Variants in STXBP6 observed in about 807,000 individuals in gnomAD.
The protein encoded by STXBP6 is syntaxin-binding protein 6.
In STXBP6, 21 loss-of-function variants were observed where a neutral mutation model predicts 26.9. The ratio of observed to expected loss-of-function variants is 0.78; its 90% confidence interval spans 0.55 to 1.12. The LOEUF (loss-of-function observed/expected upper bound fraction) is 1.12. Among genes scored for constraint, STXBP6 ranks in the 50% most tolerant of loss-of-function variants. STXBP6 has a pLI of 0.00. For missense variants in STXBP6, 232 were observed against 257.9 expected (o/e 0.90, Z 0.69); for synonymous variants, 97 against 92.6 (o/e 1.05, Z -0.27).
At chr14:24,964,248 C>G in intron 2 of STXBP6, among the ~76,000 whole-genome samples, 1 of 152,074 alleles carries the variant, frequency 6.6e-6, no homozygotes, top group East Asian at 1.9e-4. Flanking sequence ...AACAGAAAGC[C>G]AACTGACAAA....
chr14:24,812,708 C>T lies in STXBP6; in HGVS notation c.*1G>A. The T allele has an allele frequency of 6.2e-7, 1 of 1,613,754 alleles. No homozygotes were observed. Among genetic ancestry groups the T allele is most frequent in the Non-Finnish European group, 8.5e-7 (1 of 1,179,720 alleles). On this transcript the variant is annotated 3_prime_UTR_variant, in exon 6 of 6. Coordinates refer to ENST00000323944, the MANE Select transcript of STXBP6 (RefSeq NM_001394410.1). ...GAAGAGTCACCAGGATAGGCAGTTT[C>T]TCAACATTTGTGCTTCATGGCAAGC...
intron 2 of STXBP6, among the ~76,000 whole-genome samples, chr14:24,867,743 T>G (rs2069775998): frequency 6.6e-6 from 1 of 152,202 alleles, no homozygotes; most frequent in African/African-American, 2.4e-5. Flanking sequence ...AAAATCATTA[T>G]GACCTTGGGT....
rs1168504094 is a variant in STXBP6, at chr14:24,809,980, G to GA, written c.*2728dup. On this transcript the variant is annotated 3_prime_UTR_variant, in exon 6 of 6. Transcript: ENST00000323944. ...CGTAATCTGAACTTCTTCAGAGCTT[G>GA]AAAAAAGGTAACTACTGATCATGTT... 1 of 151,944 alleles carries GA rather than the reference G, an allele frequency of 6.6e-6. No homozygotes were observed. Among genetic ancestry groups the GA allele is most frequent in the Non-Finnish European group, 1.5e-5 (1 of 67,956 alleles). 9.4% of individuals were successfully genotyped at this position (151,944 alleles called of 1,614,324 possible). A position where few individuals can be genotyped will look rare whatever the true frequency, so the allele number is the denominator to read the frequency against.
chr14:24,978,047 T>A (rs904816861), intron 1 of STXBP6, among the ~76,000 whole-genome samples: 1 of 152,248 alleles, frequency 6.6e-6, no homozygotes. Flanking sequence ...ATACATGTTT[T>A]TAATGTCACC....
At position 25,036,734 on chromosome 14, in the gene STXBP6, T is replaced by C. The variant is rs183247351; in HGVS notation, c.-33+13144A>G. ...AGCCGGGCGTGGTGGCAGGCGCCTG[T>C]AGTCCCAGCTACTCAGGAGGCTGAG... On this transcript the variant is annotated intron_variant, in intron 1 of 5. Transcript: ENST00000323944. Among the ~76,000 whole-genome samples the C allele has an allele frequency of 1.2e-3, 176 of 151,250 alleles. 1 individual carries two copies. The highest frequency in any genetic ancestry group is 4.9e-4 in the Non-Finnish European group (33 of 67,918).
Position 24,810,914 on chromosome 14 carries a change from A to G in STXBP6, c.*1795T>C. 1 of 101,420 alleles carries G rather than the reference A, an allele frequency of 9.9e-6. No homozygotes were observed. The highest frequency in any genetic ancestry group is 2.1e-5 in the Non-Finnish European group (1 of 47,354). 6.3% of individuals were successfully genotyped at this position (101,420 alleles called of 1,614,324 possible). A position where few individuals can be genotyped will look rare whatever the true frequency, so the allele number is the denominator to read the frequency against. On this transcript the variant is annotated 3_prime_UTR_variant, in exon 6 of 6. Transcript: ENST00000323944. ...GTGTGTGTGTGTGCATTCTGAACTG[A>G]GATCTGCAAACAAAATCTATTTGGA...
In STXBP6 at chr14:25,049,014, G is replaced by T; in HGVS notation, c.-33+864C>A. The T allele has an allele frequency of 3.4e-6, 1 of 293,980 alleles. No homozygotes were observed. The highest frequency in any genetic ancestry group is 5.1e-6 in the Non-Finnish European group (1 of 197,630). 18.2% of individuals were successfully genotyped at this position (293,980 alleles called of 1,614,324 possible). The stretch of plus-strand genomic sequence containing the variant: ...GGGAAGCGTAATAGGAAGGGGAGAA[G>T]GTTCGTTATGAAATCCTGGGGCCAG... On this transcript the variant is annotated intron_variant, in intron 1 of 5. Coordinates refer to ENST00000323944, the MANE Select transcript of STXBP6 (RefSeq NM_001394410.1). This position sits in a 1 kb window ranked among gnomAD's most constrained non-coding sequence, Gnocchi z 5.6.
At chr14:25,027,096 GT>G (rs1487580751) in intron 1 of STXBP6, among the ~76,000 whole-genome samples, 2 of 152,180 alleles carry the variant, frequency 1.3e-5, no homozygotes, top group African/African-American at 4.8e-5. Context: ...AAATCAAGCT[GT>G]TGCAGACCAA....
intron 1 of STXBP6, chr14:25,048,953 G>C (rs2075764831): frequency 6.1e-6 from 1 of 163,312 alleles, no homozygotes. Flanking sequence ...AGTTCCTGCG[G>C]ACCTACCGAT....
At chr14:24,930,464 C>A (rs2072343647) in intron 2 of STXBP6, among the ~76,000 whole-genome samples, 1 of 152,052 alleles carries the variant, frequency 6.6e-6, no homozygotes, top group Non-Finnish European at 1.5e-5. Flanking sequence ...TTTATGGTGA[C>A]CTGTTAGGGG....
chr14:24,836,606 CAAAAAA>C (rs71449215), intron 4 of STXBP6, among the ~76,000 whole-genome samples: 1 of 44,314 alleles, frequency 2.3e-5, no homozygotes, highest in Non-Finnish European at 3.8e-5. Flanking sequence ...GACTCCCTCT[CAAAAAA>C]AAAAAAAAAA....
intron 1 of STXBP6, among the ~76,000 whole-genome samples, chr14:25,013,385 A>T (rs1041414640): frequency 1.3e-5 from 2 of 152,070 alleles, no homozygotes; most frequent in Non-Finnish European, 2.9e-5. Context: ...GAAATGATTG[A>T]CATGAAATAA....
At chr14:24,889,242 C>T (rs199867843) in intron 2 of STXBP6, among the ~76,000 whole-genome samples, 3 of 150,412 alleles carry the variant, frequency 2.0e-5, no homozygotes, top group Non-Finnish European at 1.5e-5. Flanking sequence ...CTAAACAGAC[C>T]GTCAAAAGCA....
In STXBP6 at chr14:24,912,507, A is replaced by G. The variant is rs147921473; in HGVS notation, c.155-55350T>C. On this transcript the variant is annotated intron_variant, in intron 2 of 5. Coordinates refer to ENST00000323944, the MANE Select transcript of STXBP6 (RefSeq NM_001394410.1). The stretch of plus-strand genomic sequence containing the variant: ...TGCCAAATAATTGTTAAAATCTTCT[A>G]TAACAATTTAACAACGTATAGGAAT... Among the ~76,000 whole-genome samples the G allele has an allele frequency of 1.2e-3, 175 of 151,934 alleles. No homozygotes were observed. The East Asian group carries it at 0.014, about 12-fold the overall frequency.
At position 24,829,634 on chromosome 14, in the gene STXBP6, T is replaced by G. The variant is rs2068395694; in HGVS notation, c.452-10440A>C. ...CACCTAGTAATTCATACTCATCAGA[T>G]GTCATTCCACCTTTTACATTTCCCT... On this transcript the variant is annotated intron_variant, in intron 4 of 5. Transcript: ENST00000323944. Among the ~76,000 whole-genome samples, 3 of 152,190 alleles carry G rather than the reference T, an allele frequency of 2.0e-5. No homozygotes were observed. The South Asian group carries it at 6.2e-4, about 32-fold the overall frequency.
At position 24,855,821 on chromosome 14, in the gene STXBP6, C is replaced by A. The variant is rs751780448; in HGVS notation, c.451+115G>T. The A allele has an allele frequency of 1.4e-5, 13 of 940,866 alleles. No individual in the cohort carries two copies. In the African/African-American group the frequency reaches 1.8e-4, roughly 13 times the overall value. The allele number at this position is 940,866 out of a possible 1,614,324, so 58.3% of individuals were successfully genotyped here. ...GGTTCTTATGTTGTCTAGCTCTGAG[C>A]ATATTGATTCTTCTCCTGTTTTTGT... On this transcript the variant is annotated intron_variant, in intron 4 of 5. Coordinates refer to ENST00000323944, the MANE Select transcript of STXBP6 (RefSeq NM_001394410.1).
intron 2 of STXBP6, among the ~76,000 whole-genome samples, chr14:24,889,593 G>T (rs2070720102): frequency 6.6e-6 from 1 of 150,716 alleles, no homozygotes; most frequent in African/African-American, 2.4e-5. Context: ...GAAAAAAAAA[G>T]AATACCCAGA....
intron 2 of STXBP6, among the ~76,000 whole-genome samples, chr14:24,897,114 CA>C (rs1235295923): frequency 2.0e-5 from 3 of 151,960 alleles, no homozygotes; most frequent in Non-Finnish European, 4.4e-5. Context: ...TGATGGAAAC[CA>C]AAAGATTTTT....
chr14:25,016,619 AT>A (rs1258133536), intron 1 of STXBP6, among the ~76,000 whole-genome samples: 1 of 152,246 alleles, frequency 6.6e-6, no homozygotes, highest in African/African-American at 2.4e-5. Flanking sequence ...AAGTCTTAAA[AT>A]GCCTACATGT....
Sources: gnomAD v4.1 joint callset for allele counts (sites outside exome capture counted in the v4.1 genomes callset) on GRCh38, gnomAD v4.1.1 for gene constraint, Gnocchi (gnomAD v3.1) non-coding constraint, MANE v1.5 for transcripts, NCBI Gene and HGNC (gene_info 2026-07-23, HGNC 2026-07-21) for gene names.